Variants in EHMT1 observed in about 807,000 individuals in gnomAD.
The protein encoded by EHMT1 is histone-lysine N-methyltransferase EHMT1.
Under a neutral mutation model 147.2 loss-of-function variants are expected in EHMT1, and 15 were observed. The ratio of observed to expected loss-of-function variants is 0.10; its 90% CI spans 0.07 to 0.16. EHMT1 has a LOEUF of 0.16. EHMT1 is among the 10% of genes least tolerant of loss of function. The probability of loss-of-function intolerance (pLI) is 1.00; values close to 1 mark genes in which losing one functional copy is unlikely to be tolerated. For missense variants in EHMT1, 1,587 were observed against 1,772.4 expected (o/e 0.90, Z 1.88); for synonymous variants, 795 against 709.6 (o/e 1.12, Z -1.91).
Position 137,775,031 on chromosome 9 carries a change from C to A in EHMT1, c.1648-78C>A. 1.3e-6 allele frequency: 2 copies of A among 1,598,174 alleles called. No homozygotes were observed. Among genetic ancestry groups the A allele is most frequent in the Non-Finnish European group, 1.7e-6 (2 of 1,167,232 alleles). Reference sequence around the variant, plus strand: ...CTGCTGAGCAGCTCTTGTGTGCCTGCACTGCCCAGCGCCTGGTGGGAGGGA... The same window carrying A: ...CTGCTGAGCAGCTCTTGTGTGCCTGAACTGCCCAGCGCCTGGTGGGAGGGA... On this transcript the variant is annotated intron_variant, in intron 10 of 26. Transcript: ENST00000460843. This position sits in a 1 kb window ranked among gnomAD's most constrained non-coding sequence, Gnocchi z 6.1.
chr9:137,744,829 C>T (rs531975451), intron 6 of EHMT1, among the ~76,000 whole-genome samples: 1 of 152,370 alleles, frequency 6.6e-6, no homozygotes, highest in Admixed American at 6.5e-5. Context: ...CGGGCCAAGG[C>T]CCCAGCCTTG....
chr9:137,812,525 C>T (rs992811882), intron 19 of EHMT1, among the ~76,000 whole-genome samples: 12 of 152,226 alleles, frequency 7.9e-5, no homozygotes, highest in Admixed American at 6.5e-4. Flanking sequence ...CTGTGCCCTC[C>T]CACATGTGGA....
chr9:137,739,394 C>T (rs979143862), intron 4 of EHMT1, among the ~76,000 whole-genome samples: 21 of 152,000 alleles, frequency 1.4e-4, no homozygotes, highest in Non-Finnish European at 7.4e-5. Context: ...AAACTTAGGT[C>T]ATAAAGCAGT....
At chr9:137,656,664 A>G (rs561954760) in intron 1 of EHMT1, among the ~76,000 whole-genome samples, 206 of 151,892 alleles carry the variant, frequency 1.4e-3, no homozygotes, top group Non-Finnish European at 2.5e-3. Flanking sequence ...GGCAGGGGGC[A>G]TGAGTCCAAG....
rs978487387 is a variant in EHMT1 at position 137,831,895 on chromosome 9, C to T, written c.3541-2454C>T. 1.3e-5 allele frequency among the ~76,000 whole-genome samples: 2 copies of T among 151,922 alleles called. 1 individual carries two copies. Among genetic ancestry groups the T allele is most frequent in the African/African-American group, 4.9e-5 (2 of 41,196 alleles). ...GCCTCTCTAGTGGTCCCTGTGCTTT[C>T]GCCTCAGTCCTAGGATTGGCTGGGC... On this transcript the variant is annotated intron_variant, in intron 25 of 26. Transcript: ENST00000460843.
intron 1 of EHMT1, among the ~76,000 whole-genome samples, chr9:137,677,859 C>A (rs1259346658): frequency 1.3e-5 from 2 of 151,388 alleles, no homozygotes; most frequent in Non-Finnish European, 2.9e-5. Context: ...GAGATTGAGA[C>A]CATCCTGGCT....
chr9:137,755,370 A>G (rs773037184), intron 8 of EHMT1, among the ~76,000 whole-genome samples: 4 of 152,018 alleles, frequency 2.6e-5, no homozygotes, highest in Non-Finnish European at 4.4e-5. Context: ...TCTGAGTATA[A>G]TTGTTTTGAG....
intron 14 of EHMT1, among the ~76,000 whole-genome samples, chr9:137,780,985 T>TGGGATGTGTGGTGATGACGCC (rs1564747921): frequency 3.6e-3 from 113 of 31,088 alleles, no homozygotes; most frequent in African/African-American, 9.3e-3. Context: ...GTGATGACGC[T>TGGGATGTGTGGTGATGACGCC]GGGATGTGTG....
chr9:137,629,428 C>G (rs1843475251), intron 1 of EHMT1, among the ~76,000 whole-genome samples: 1 of 144,386 alleles, frequency 6.9e-6, no homozygotes, highest in African/African-American at 2.6e-5. Flanking sequence ...GAGTCTCGCT[C>G]TGTTGCCCAG....
At chr9:137,696,428 G>A (rs1028933933) in intron 1 of EHMT1, among the ~76,000 whole-genome samples, 1 of 152,198 alleles carries the variant, frequency 6.6e-6, no homozygotes, top group African/African-American at 2.4e-5. Flanking sequence ...AAAGCAGAAG[G>A]GAGCAAATGG....
At chr9:137,728,085 C>G (rs965583727) in intron 3 of EHMT1, among the ~76,000 whole-genome samples, 5 of 152,200 alleles carry the variant, frequency 3.3e-5, no homozygotes, top group Admixed American at 6.5e-5. Flanking sequence ...CTGCTCATTC[C>G]TCCTTCTGGC....
At chr9:137,768,976 C>A (rs1165471068) in intron 10 of EHMT1, among the ~76,000 whole-genome samples, 2 of 152,192 alleles carry the variant, frequency 1.3e-5, no homozygotes, top group Non-Finnish European at 2.9e-5. Context: ...CGTGAGCTAC[C>A]ACACCCAGCC....
At chr9:137,714,165 A>G (rs1159430280) in intron 2 of EHMT1, among the ~76,000 whole-genome samples, 3 of 152,018 alleles carry the variant, frequency 2.0e-5, no homozygotes, top group Admixed American at 1.3e-4. Flanking sequence ...TCGAATCTCT[A>G]GTACAGGGTT....
chr9:137,797,645 G>C (rs77912264), intron 16 of EHMT1, among the ~76,000 whole-genome samples: 281 of 152,294 alleles, frequency 1.8e-3, no homozygotes, highest in Non-Finnish European at 3.4e-3. Context: ...AACACTAGCC[G>C]TGTGGGAACC....
chr9:137,663,377 T>G (rs1404492689), intron 1 of EHMT1, among the ~76,000 whole-genome samples: 1 of 151,980 alleles, frequency 6.6e-6, no homozygotes, highest in Non-Finnish European at 1.5e-5. Context: ...TTGTGAGTGG[T>G]GGGTTAATGG....
chr9:137,693,711 C>G (rs1315154901), intron 1 of EHMT1, among the ~76,000 whole-genome samples: 54 of 8,220 alleles, frequency 6.6e-3, no homozygotes, highest in South Asian at 0.053. Context: ...GCCGATACCC[C>G]CCACACAGTG....
At position 137,817,271 on chromosome 9, in the gene EHMT1, A is replaced by C. The variant is rs930160953; in HGVS notation, c.3375-168A>C. On this transcript the variant is annotated intron_variant, in intron 23 of 26. Transcript: ENST00000460843. ...TGATCCCCGGGTTCTTGGCTCCCTG[A>C]GAGTGCGAGATGCCGTGTCTGTGAG... 11 of 749,650 alleles carry C rather than the reference A, an allele frequency of 1.5e-5. No homozygotes were observed. In the African/African-American group the frequency reaches 1.7e-4, roughly 12 times the overall value. 46.4% of individuals were successfully genotyped at this position (749,650 alleles called of 1,614,324 possible). A position where few individuals can be genotyped will look rare whatever the true frequency, so the allele number is the denominator to read the frequency against.
At chr9:137,692,044 C>G (rs1172823806) in intron 1 of EHMT1, among the ~76,000 whole-genome samples, 1 of 152,048 alleles carries the variant, frequency 6.6e-6, no homozygotes, top group Non-Finnish European at 1.5e-5. Context: ...GCAAAACAGG[C>G]AGAACTAATG....
At chr9:137,752,870 G>A (rs1181656906) in intron 7 of EHMT1, among the ~76,000 whole-genome samples, 2 of 152,170 alleles carry the variant, frequency 1.3e-5, no homozygotes, top group East Asian at 1.9e-4. Flanking sequence ...GCTGACGTGC[G>A]AGAAGGAAGG....
Sources: allele counts gnomAD v4.1 joint callset (sites outside exome capture counted in the v4.1 genomes callset), GRCh38; gene constraint gnomAD v4.1.1; non-coding constraint Gnocchi (gnomAD v3.1); transcripts MANE v1.5; gene names NCBI Gene and HGNC (gene_info 2026-07-23, HGNC 2026-07-21).